Variants in IL1RAPL2 observed in about 807,000 individuals in gnomAD.
IL1RAPL2 encodes the protein interleukin 1 receptor accessory protein like 2.
IL1RAPL2 carries 3 observed loss-of-function variants against 44.1 expected under a neutral mutation model. The observed-to-expected ratio is 0.07, with a 90% CI of 0.03 to 0.18. IL1RAPL2 has a LOEUF of 0.18. Ranked by LOEUF, IL1RAPL2 falls within the 10% of genes least tolerant of loss-of-function variation. The pLI, the probability that IL1RAPL2 is intolerant of heterozygous loss-of-function variation, is 1.00. For synonymous variants in IL1RAPL2, 181 were observed against 178.8 expected, an observed-to-expected ratio of 1.01 and a Z score of -0.10; for missense variants, 391 against 496.4, an observed-to-expected ratio of 0.79 and a Z score of 2.02.
chrX:105,218,791 A>T, intron 3 of IL1RAPL2: 3 of 393,755 alleles, frequency 7.6e-6, no homozygotes, highest in Non-Finnish European at 8.4e-6. Flanking sequence ...TCCTCCAGTC[A>T]CCACCCCTAT....
chrX:105,071,931 G>T (rs1296780721), intron 2 of IL1RAPL2, among the ~76,000 whole-genome samples: 1 of 111,907 alleles, frequency 8.9e-6, no homozygotes, highest in Non-Finnish European at 1.9e-5. Context: ...AAACACAGGG[G>T]AAAAGCTTCT....
At chrX:104,899,290 A>G (rs1923745963) in intron 2 of IL1RAPL2, among the ~76,000 whole-genome samples, 1 of 112,143 alleles carries the variant, frequency 8.9e-6, no homozygotes, top group Admixed American at 9.5e-5. Context: ...TTGCTCCTGA[A>G]TATATTTTCC....
At chrX:104,613,425 A>G (rs1157980675) in intron 1 of IL1RAPL2, among the ~76,000 whole-genome samples, 1 of 111,767 alleles carries the variant, frequency 8.9e-6, no homozygotes, top group Non-Finnish European at 1.9e-5. Flanking sequence ...TGAGATGATC[A>G]TATGGTTTTT....
intron 2 of IL1RAPL2, among the ~76,000 whole-genome samples, chrX:104,902,425 C>T (rs1412960903): frequency 8.9e-6 from 1 of 111,929 alleles, no homozygotes; most frequent in Non-Finnish European, 1.9e-5. Flanking sequence ...ACAGATTGAA[C>T]GAGCCCTCAT....
intron 2 of IL1RAPL2, among the ~76,000 whole-genome samples, chrX:104,867,515 G>T (rs1480926917): frequency 9.0e-6 from 1 of 111,554 alleles, no homozygotes; most frequent in Admixed American, 9.5e-5. Context: ...GAACTGCGAC[G>T]GATGCTGATG....
intron 3 of IL1RAPL2, among the ~76,000 whole-genome samples, chrX:105,228,506 C>T (rs2034038611): frequency 9.0e-6 from 1 of 111,420 alleles, no homozygotes; most frequent in South Asian, 3.8e-4. Flanking sequence ...ACTTTTCTCC[C>T]CAGAGAACCC....
chrX:104,798,012 G>A (rs931169045), intron 2 of IL1RAPL2, among the ~76,000 whole-genome samples: 3 of 111,761 alleles, frequency 2.7e-5, no homozygotes, highest in Non-Finnish European at 5.6e-5. Context: ...CCAGGGAACT[G>A]AGAGCTAGAG....
At chrX:105,667,340 A>G (rs181401094) in intron 6 of IL1RAPL2, among the ~76,000 whole-genome samples, 451 of 112,271 alleles carry the variant, frequency 4.0e-3, no homozygotes, top group Non-Finnish European at 6.6e-3. Context: ...CTGTTGTTTT[A>G]GCTTGCTTAT....
At chrX:104,769,830 AG>A (rs1390830324) in intron 2 of IL1RAPL2, among the ~76,000 whole-genome samples, 12 of 111,812 alleles carry the variant, frequency 1.1e-4, no homozygotes, top group Non-Finnish European at 2.1e-4. Flanking sequence ...GCCTTCTTAA[AG>A]GGCTGTCACT....
chrX:104,929,601 T>G (rs1924850274), intron 2 of IL1RAPL2, among the ~76,000 whole-genome samples: 1 of 112,080 alleles, frequency 8.9e-6, no homozygotes, highest in Middle Eastern at 4.2e-3. Context: ...CTGACTCAAA[T>G]CCAGGTAGTT....
intron 2 of IL1RAPL2, among the ~76,000 whole-genome samples, chrX:104,842,783 C>G (rs1008090370): frequency 5.3e-5 from 6 of 112,600 alleles, no homozygotes; most frequent in African/African-American, 1.9e-4. Context: ...CAGAGGGGCA[C>G]TGGCCTGATG....
At chrX:105,489,155 T>C (rs923055985) in intron 6 of IL1RAPL2, among the ~76,000 whole-genome samples, 2 of 111,964 alleles carry the variant, frequency 1.8e-5, no homozygotes, top group Non-Finnish European at 3.8e-5. Context: ...TGTGGTAATG[T>C]ATGATATATA....
intron 2 of IL1RAPL2, among the ~76,000 whole-genome samples, chrX:104,911,038 AT>A (rs1056441894): frequency 8.9e-6 from 1 of 112,137 alleles, no homozygotes; most frequent in Non-Finnish European, 1.9e-5. Context: ...TAGAAAACAA[AT>A]GATATGGACA....
intron 5 of IL1RAPL2, among the ~76,000 whole-genome samples, chrX:105,414,256 T>TA (rs1373655926): frequency 1.8e-5 from 2 of 110,298 alleles, no homozygotes; most frequent in African/African-American, 3.3e-5. Context: ...GCCTCCCGAG[T>TA]AGCCGGGACT....
intron 2 of IL1RAPL2, among the ~76,000 whole-genome samples, chrX:105,002,058 T>C (rs1395467271): frequency 9.0e-6 from 1 of 110,516 alleles, no homozygotes; most frequent in African/African-American, 3.3e-5. Context: ...AAGAGTTGTG[T>C]GAAATTGAAT....
intron 7 of IL1RAPL2, among the ~76,000 whole-genome samples, chrX:105,737,585 G>C (rs998034369): frequency 4.5e-5 from 5 of 111,229 alleles, no homozygotes; most frequent in Non-Finnish European, 9.4e-5. Flanking sequence ...TTTGGAAACT[G>C]CATTAGAAGA....
chrX:104,712,309 C>T (rs999558674), intron 2 of IL1RAPL2, among the ~76,000 whole-genome samples: 1 of 110,566 alleles, frequency 9.0e-6, no homozygotes, highest in African/African-American at 3.3e-5. Flanking sequence ...AAAGGTTTGC[C>T]ACAGGGAATA....
chrX:105,743,725 A>G (rs1199419281), intron 8 of IL1RAPL2, among the ~76,000 whole-genome samples: 1 of 111,641 alleles, frequency 9.0e-6, no homozygotes, highest in Non-Finnish European at 1.9e-5. Flanking sequence ...CTGTATCTCT[A>G]GTGCATAAAA....
chrX:105,451,341 C>T (rs2036018595), intron 5 of IL1RAPL2, among the ~76,000 whole-genome samples: 2 of 111,406 alleles, frequency 1.8e-5, no homozygotes, highest in Admixed American at 1.9e-4. Context: ...ACTTATCCCT[C>T]CTCCAAGAAA....
Sources: gnomAD v4.1 joint callset for allele counts (sites outside exome capture counted in the v4.1 genomes callset) on GRCh38, gnomAD v4.1.1 for gene constraint, MANE v1.5 for transcripts, NCBI Gene and HGNC (gene_info 2026-07-23, HGNC 2026-07-21) for gene names.